DHRSX: variants seen among roughly 807,000 people sequenced by gnomAD.
DHRSX encodes the protein polyprenol dehydrogenase.
Under a neutral mutation model 34.0 loss-of-function variants are expected in DHRSX, and 31 were observed. The ratio of observed to expected loss-of-function variants is 0.91; its 90% CI spans 0.69 to 1.23. DHRSX has a LOEUF of 1.23. Ranked by LOEUF, DHRSX falls within the 50% of genes most tolerant of loss-of-function variation. The probability of loss-of-function intolerance (pLI) is 0.00; values close to 1 mark genes in which losing one functional copy is unlikely to be tolerated. For missense variants in DHRSX, 414 were observed against 428.1 expected (o/e 0.97, Z 0.29); for synonymous variants, 201 against 183.8 (o/e 1.09, Z -0.76).
intron 6 of DHRSX, among the ~76,000 whole-genome samples, chrX:2,231,259 A>C (rs1038539310): frequency 6.6e-6 from 1 of 152,044 alleles, no homozygotes; most frequent in African/African-American, 2.4e-5. Context: ...GAAAGGAGAG[A>C]TGGCATCTCC....
Position 2,297,811 on chromosome X carries a change from G to A in DHRSX, c.287-6208C>T, listed in dbSNP as rs373605415. 7.3e-5 allele frequency among the ~76,000 whole-genome samples: 11 copies of A among 150,140 alleles called. 1 individual carries two copies. Among genetic ancestry groups the A allele is most frequent in the African/African-American group, 2.7e-4 (11 of 40,956 alleles). ...GCTCTGTCACCCAGGCTGGAATACA[G>A]CGGACAGATCTTGGCTGACTGCAAC... On this transcript the variant is annotated intron_variant, in intron 3 of 6. Transcript: ENST00000334651.
intron 6 of DHRSX, among the ~76,000 whole-genome samples, chrX:2,227,235 G>A (rs2015687760): frequency 6.6e-6 from 1 of 151,922 alleles, no homozygotes; most frequent in Admixed American, 6.6e-5. Context: ...CTATGGCCTG[G>A]GTCAAAGCAC....
At chrX:2,408,897 A>G in intron 2 of DHRSX, 84 bp from the exon 3 acceptor site, 2 of 1,187,212 alleles carry the variant, frequency 1.7e-6, no homozygotes. Flanking sequence ...AGAGGTTTTA[A>G]GAGAAGTATA....
At chrX:2,344,436 T>G (rs188061506) in intron 3 of DHRSX, among the ~76,000 whole-genome samples, 2,827 of 152,164 alleles carry the variant, frequency 0.019, 35 homozygotes, top group Non-Finnish European at 0.032. Flanking sequence ...GAAGACAGTG[T>G]GGCGATTCCT....
At chrX:2,235,755 A>T in intron 6 of DHRSX, among the ~76,000 whole-genome samples, 1 of 123,284 alleles carries the variant, frequency 8.1e-6, no homozygotes, top group East Asian at 2.6e-4. Context: ...AAAAAAAAAA[A>T]GGGAACAAAA....
chrX:2,479,875 A>G (rs751282931), intron 1 of DHRSX, among the ~76,000 whole-genome samples: 1 of 152,068 alleles, frequency 6.6e-6, no homozygotes, highest in Non-Finnish European at 1.5e-5. Context: ...CGCCATGTAC[A>G]CACTGAAGAT....
intron 5 of DHRSX, among the ~76,000 whole-genome samples, chrX:2,250,346 T>A (rs2016408830): frequency 6.6e-6 from 1 of 151,406 alleles, no homozygotes; most frequent in African/African-American, 2.4e-5. Flanking sequence ...GTCCATAGAG[T>A]AAAGTGAAAG....
At chrX:2,494,988 T>C (rs2124128108) in intron 1 of DHRSX, among the ~76,000 whole-genome samples, 1 of 151,866 alleles carries the variant, frequency 6.6e-6, no homozygotes, top group East Asian at 1.9e-4. Context: ...ACTACTGTTA[T>C]TATTATTACT....
Position 2,337,023 on chromosome X carries a change from C to G in DHRSX, c.287-45420G>C, listed in dbSNP as rs1297096189. Reference sequence around the variant, plus strand: ...GTTTCGCCATGTTGGCCAGGCTGGTCTTGAACTCCTGACATCATGATCCAC... The same window carrying G: ...GTTTCGCCATGTTGGCCAGGCTGGTGTTGAACTCCTGACATCATGATCCAC... On this transcript the variant is annotated intron_variant, in intron 3 of 6. Coordinates refer to ENST00000334651, the MANE Select transcript of DHRSX (RefSeq NM_145177.3). Among the ~76,000 whole-genome samples the G allele has an allele frequency of 2.0e-5, 3 of 152,104 alleles. No homozygotes were observed. In the East Asian group the frequency reaches 5.8e-4, roughly 29 times the overall value.
At chrX:2,304,251 G>A (rs1341032199) in intron 3 of DHRSX, among the ~76,000 whole-genome samples, 2 of 140,926 alleles carry the variant, frequency 1.4e-5, no homozygotes, top group African/African-American at 5.4e-5. Flanking sequence ...ATAAATGGAT[G>A]GATGGATGGG....
chrX:2,459,184 GAAAT>G (rs1023075910), intron 1 of DHRSX, among the ~76,000 whole-genome samples: 9 of 151,872 alleles, frequency 5.9e-5, no homozygotes, highest in South Asian at 2.1e-4. Flanking sequence ...TTACATAAAA[GAAAT>G]AAATTCAAAG....
chrX:2,324,077 T>A (rs907628162), intron 3 of DHRSX, among the ~76,000 whole-genome samples: 2 of 151,756 alleles, frequency 1.3e-5, no homozygotes, highest in African/African-American at 4.8e-5. Context: ...AAAAAAAAGA[T>A]TTTGCACAAA....
At chrX:2,465,823 A>AAAG (rs1471011689) in intron 1 of DHRSX, among the ~76,000 whole-genome samples, 14 of 146,454 alleles carry the variant, frequency 9.6e-5, no homozygotes, top group South Asian at 2.1e-4. Context: ...AAAAAAAAAA[A>AAAG]AAAGAGAAAA....
At chrX:2,264,103 T>C (rs2041403495) in intron 5 of DHRSX, among the ~76,000 whole-genome samples, 1 of 152,210 alleles carries the variant, frequency 6.6e-6, no homozygotes, top group Non-Finnish European at 1.5e-5. Flanking sequence ...CCATCGCACA[T>C]TGCTAAGTTG....
intron 3 of DHRSX, among the ~76,000 whole-genome samples, chrX:2,393,360 G>A (rs183733850): frequency 9.8e-4 from 149 of 151,812 alleles, no homozygotes; most frequent in African/African-American, 3.4e-3. Flanking sequence ...GTGTGTTGAC[G>A]CCTCCCATCT....
At chrX:2,480,593 G>A (rs1303849864) in intron 1 of DHRSX, among the ~76,000 whole-genome samples, 1 of 151,954 alleles carries the variant, frequency 6.6e-6, no homozygotes, top group Non-Finnish European at 1.5e-5. Flanking sequence ...TGAGGCAGGA[G>A]GATCGCTTCA....
In DHRSX at chrX:2,375,599, A is replaced by ATGGTTGGT. The variant is rs1404486652; in HGVS notation, c.286+33138_286+33145dup. On this transcript the variant is annotated intron_variant, in intron 3 of 6. Transcript: ENST00000334651. ...GTCAGCAAGAGAACGGCTCGATGGG[A>ATGGTTGGT]TGGTTGGTTGGTTGGTCGGTTGGTT... 9.0e-5 allele frequency among the ~76,000 whole-genome samples: 12 copies of ATGGTTGGT among 133,540 alleles called. 1 individual carries two copies. The South Asian group carries it at 1.4e-3, about 16-fold the overall frequency. 87.6% of individuals were successfully genotyped at this position (133,540 alleles called of 152,430 possible).
At chrX:2,225,166 TCACACA>T (rs35599283) in intron 6 of DHRSX, among the ~76,000 whole-genome samples, 7 of 146,948 alleles carry the variant, frequency 4.8e-5, no homozygotes, top group Admixed American at 3.4e-4. Flanking sequence ...TCACATGCAC[TCACACA>T]CGCACACAGC....
At chrX:2,226,814 A>G (rs1011632005) in intron 6 of DHRSX, among the ~76,000 whole-genome samples, 7 of 152,012 alleles carry the variant, frequency 4.6e-5, no homozygotes, top group South Asian at 2.1e-4. Flanking sequence ...AGAAAGAAAA[A>G]AAAGAAAACA....
Sources: gnomAD v4.1 joint callset for allele counts (sites outside exome capture counted in the v4.1 genomes callset) on GRCh38, gnomAD v4.1.1 for gene constraint, MANE v1.5 for transcripts, NCBI Gene and HGNC (gene_info 2026-07-23, HGNC 2026-07-21) for gene names.